ZFPM2: variants seen among roughly 807,000 people sequenced by gnomAD.
ZFPM2 encodes the protein zinc finger protein, FOG family member 2.
A neutral mutation model predicts 98.6 loss-of-function variants in ZFPM2; 20 were observed. The ratio of observed to expected loss-of-function variants is 0.20; its 90% CI spans 0.14 to 0.29. The LOEUF is 0.29. Among genes scored for constraint, ZFPM2 ranks in the 10% least tolerant of loss-of-function variants. ZFPM2 has a pLI of 1.00. For missense variants in ZFPM2, 1,310 were observed against 1,388.6 expected (o/e 0.94, Z 0.90); for synonymous variants, 518 against 502.7 (o/e 1.03, Z -0.41).
chr8:105,420,174 A>T (rs1417196359), intron 2 of ZFPM2, among the ~76,000 whole-genome samples: 1 of 152,086 alleles, frequency 6.6e-6, no homozygotes, highest in South Asian at 2.1e-4. Flanking sequence ...CACCATTTTT[A>T]TTCAGACATG....
chr8:105,381,121 C>G (rs1242410335), intron 1 of ZFPM2, among the ~76,000 whole-genome samples: 2 of 147,192 alleles, frequency 1.4e-5, no homozygotes, highest in African/African-American at 2.5e-5. Context: ...ATTCCCCTCC[C>G]TATGTCCATG....
intron 4 of ZFPM2, among the ~76,000 whole-genome samples, chr8:105,610,281 C>G (rs1816282199): frequency 6.6e-6 from 1 of 151,990 alleles, no homozygotes; most frequent in South Asian, 2.1e-4. Flanking sequence ...CTGGATAAGG[C>G]TTGTGATTAA....
At chr8:105,412,214 TC>T (rs1210963506) in intron 1 of ZFPM2, among the ~76,000 whole-genome samples, 1 of 151,950 alleles carries the variant, frequency 6.6e-6, no homozygotes, top group African/African-American at 2.4e-5. Context: ...CCTGACCCCT[TC>T]CCCTTCATTT....
At chr8:105,570,372 G>T (rs1183976103) in intron 4 of ZFPM2, among the ~76,000 whole-genome samples, 3 of 151,914 alleles carry the variant, frequency 2.0e-5, no homozygotes, top group African/African-American at 7.3e-5. Context: ...AAAGAAGTTT[G>T]TGTGGAGGCC....
intron 3 of ZFPM2, among the ~76,000 whole-genome samples, chr8:105,515,439 G>C (rs1482207449): frequency 6.6e-6 from 1 of 152,158 alleles, no homozygotes; most frequent in Non-Finnish European, 1.5e-5. Flanking sequence ...TGAATAGCAA[G>C]AAGTAAGATT....
chr8:105,587,974 A>G (rs1166496757), intron 4 of ZFPM2, among the ~76,000 whole-genome samples: 1 of 152,178 alleles, frequency 6.6e-6, no homozygotes, highest in Non-Finnish European at 1.5e-5. Flanking sequence ...GACCAGTAGT[A>G]TGGATTATGA....
At chr8:105,534,118 CCTTCCTTCCTCCCTTCCTTCCTTT>C (rs1586442845) in intron 3 of ZFPM2, among the ~76,000 whole-genome samples, 2 of 24,782 alleles carry the variant, frequency 8.1e-5, no homozygotes, top group East Asian at 1.0e-3. Context: ...TTCCTTCCTC[CCTTCCTTCCTCCCTTCCTTCCTTT>C]CTTCCTTCCT....
At chr8:105,662,310 A>G (rs1434886748) in intron 5 of ZFPM2, 1 of 152,158 alleles carries the variant, frequency 6.6e-6, no homozygotes, top group Non-Finnish European at 1.5e-5. Context: ...TTTTACATTA[A>G]GAACAATGAA....
chr8:105,663,497 A>G (rs945105480), intron 5 of ZFPM2, among the ~76,000 whole-genome samples: 2 of 152,218 alleles, frequency 1.3e-5, no homozygotes, highest in African/African-American at 4.8e-5. Context: ...TGACAGAAAC[A>G]TGAACATTTC....
intron 1 of ZFPM2, among the ~76,000 whole-genome samples, chr8:105,334,158 G>C (rs1333003047): frequency 2.0e-5 from 3 of 149,582 alleles, no homozygotes; most frequent in Non-Finnish European, 4.5e-5. Flanking sequence ...GTGTGTGTGT[G>C]TGGTGGGGGG....
At chr8:105,576,464 G>T (rs959213973) in intron 4 of ZFPM2, among the ~76,000 whole-genome samples, 1 of 152,132 alleles carries the variant, frequency 6.6e-6, no homozygotes, top group Non-Finnish European at 1.5e-5. Flanking sequence ...CCACTGCTGA[G>T]ACCTGATTGG....
At chr8:105,323,915 G>T (rs1330154428) in intron 1 of ZFPM2, among the ~76,000 whole-genome samples, 1 of 151,782 alleles carries the variant, frequency 6.6e-6, no homozygotes, top group Admixed American at 6.6e-5. Context: ...TTTCAAAGTA[G>T]TTCATTTGTA....
At chr8:105,612,606 A>C (rs1816329559) in intron 4 of ZFPM2, among the ~76,000 whole-genome samples, 1 of 152,204 alleles carries the variant, frequency 6.6e-6, no homozygotes, top group South Asian at 2.1e-4. Context: ...CATTAACAAC[A>C]TAATAACAAG....
At chr8:105,671,543 A>AT (rs1224542706) in intron 5 of ZFPM2, among the ~76,000 whole-genome samples, 2 of 151,948 alleles carry the variant, frequency 1.3e-5, no homozygotes, top group East Asian at 1.9e-4. Flanking sequence ...TGATTACTGA[A>AT]TTTTTACTTT....
At chr8:105,754,345 A>G (rs1338297970) in intron 5 of ZFPM2, among the ~76,000 whole-genome samples, 1 of 152,190 alleles carries the variant, frequency 6.6e-6, no homozygotes, top group Non-Finnish European at 1.5e-5. Flanking sequence ...AGTTTTACAA[A>G]GAATTTTTTA....
intron 4 of ZFPM2, among the ~76,000 whole-genome samples, chr8:105,624,654 C>A (rs1586158311): frequency 6.6e-6 from 1 of 151,958 alleles, no homozygotes; most frequent in Non-Finnish European, 1.5e-5. Context: ...TATTTGGAAG[C>A]AAACATTGTT....
chr8:105,403,289 C>G (rs1195872680), intron 1 of ZFPM2, among the ~76,000 whole-genome samples: 1 of 152,076 alleles, frequency 6.6e-6, no homozygotes, highest in Non-Finnish European at 1.5e-5. Flanking sequence ...ATTAGTGGGT[C>G]CAGCTCTATA....
At chr8:105,478,613 G>A (rs1813056633) in intron 3 of ZFPM2, among the ~76,000 whole-genome samples, 1 of 152,128 alleles carries the variant, frequency 6.6e-6, no homozygotes, top group Admixed American at 6.5e-5. Context: ...AGAAATTTAT[G>A]TTTCATAAAA....
At chr8:105,659,124 T>C (rs1817342572) in intron 5 of ZFPM2, among the ~76,000 whole-genome samples, 1 of 152,164 alleles carries the variant, frequency 6.6e-6, no homozygotes, top group South Asian at 2.1e-4. Flanking sequence ...TTGGTAACTC[T>C]TTATGTGAAT....
Sources: gnomAD v4.1 joint callset for allele counts (sites outside exome capture counted in the v4.1 genomes callset) on GRCh38, gnomAD v4.1.1 for gene constraint, MANE v1.5 for transcripts, NCBI Gene and HGNC (gene_info 2026-07-23, HGNC 2026-07-21) for gene names.